NAALADL2: variants seen among roughly 807,000 people sequenced by gnomAD.
The protein encoded by NAALADL2 is inactive N-acetylated-alpha-linked acidic dipeptidase-like protein 2.
In NAALADL2, 76 loss-of-function variants were observed where a neutral mutation model predicts 87.2. That is an observed-to-expected ratio of 0.87 (90% CI 0.72 to 1.05). The LOEUF (loss-of-function observed/expected upper bound fraction) is 1.05. NAALADL2 is among the 50% of genes least tolerant of loss of function. The pLI, the probability that NAALADL2 is intolerant of heterozygous loss-of-function variation, is 0.00. For synonymous variants in NAALADL2, 354 were observed against 331.0 expected, an observed-to-expected ratio of 1.07 and a Z score of -0.75; for missense variants, 1,089 against 945.8, an observed-to-expected ratio of 1.15 and a Z score of -1.99.
intron 1 of NAALADL2, among the ~76,000 whole-genome samples, chr3:174,468,384 CTTT>C (rs67829845): frequency 1.5e-5 from 2 of 132,704 alleles, no homozygotes; most frequent in Non-Finnish European, 1.6e-5. Flanking sequence ...CTTTCTTTTT[CTTT>C]TTTTTTTTTT....
At chr3:175,612,162 TG>T (rs1393798940) in intron 10 of NAALADL2, among the ~76,000 whole-genome samples, 1 of 152,176 alleles carries the variant, frequency 6.6e-6, no homozygotes, top group East Asian at 1.9e-4. Context: ...GACATCTGAC[TG>T]TATTAATATG....
chr3:175,037,820 C>A (rs1225850450), intron 1 of NAALADL2, among the ~76,000 whole-genome samples: 1 of 152,128 alleles, frequency 6.6e-6, no homozygotes, highest in Non-Finnish European at 1.5e-5. Context: ...CTTGGATGAG[C>A]AGGCCACGGT....
intron 2 of NAALADL2, among the ~76,000 whole-genome samples, chr3:174,657,249 A>G (rs1272860904): frequency 6.6e-6 from 1 of 151,698 alleles, no homozygotes; most frequent in Non-Finnish European, 1.5e-5. Flanking sequence ...GCTGGTCTCG[A>G]ACTCCTGGGA....
chr3:174,962,433 G>GTCATAGTGACTATAACATATATATATATA (rs1742245895), intron 1 of NAALADL2, among the ~76,000 whole-genome samples: 1 of 52,242 alleles, frequency 1.9e-5, no homozygotes, highest in African/African-American at 6.4e-5. Context: ...ATATATATAT[G>GTCATAGTGACTATAACATATATATATATA]TATATTTTTA....
chr3:174,503,325 T>C (rs1332890313), intron 1 of NAALADL2, among the ~76,000 whole-genome samples: 1 of 152,206 alleles, frequency 6.6e-6, no homozygotes, highest in Non-Finnish European at 1.5e-5. Flanking sequence ...ATGATATGTT[T>C]TTCTTAAGAA....
intron 2 of NAALADL2, among the ~76,000 whole-genome samples, chr3:174,589,014 G>A (rs1047333021): frequency 2.0e-5 from 3 of 152,124 alleles, no homozygotes; most frequent in Non-Finnish European, 4.4e-5. Flanking sequence ...TTGAGCTGCG[G>A]TGGGTTCCAT....
chr3:174,445,011 A>ATT (rs769110915), intron 1 of NAALADL2, among the ~76,000 whole-genome samples: 6 of 144,170 alleles, frequency 4.2e-5, no homozygotes, highest in Non-Finnish European at 4.6e-5. Flanking sequence ...CTTGTTTGAG[A>ATT]TTTTTTTTTT....
intron 3 of NAALADL2, among the ~76,000 whole-genome samples, chr3:174,743,258 T>G (rs9847046): frequency 0.013 from 2,041 of 151,852 alleles, 52 homozygotes; most frequent in African/African-American, 0.048. Context: ...ACCGGGTCTT[T>G]TGTTTCTCTG....
At chr3:175,369,822 A>C (rs1302486983) in intron 5 of NAALADL2, among the ~76,000 whole-genome samples, 3 of 152,198 alleles carry the variant, frequency 2.0e-5, no homozygotes, top group African/African-American at 7.2e-5. Flanking sequence ...TAAACCCTTC[A>C]TCTGATTGTG....
intron 2 of NAALADL2, among the ~76,000 whole-genome samples, chr3:175,130,015 T>C (rs564478540): frequency 5.9e-5 from 9 of 152,224 alleles, no homozygotes; most frequent in African/African-American, 1.9e-4. Context: ...AGCTGTGAGG[T>C]GATTTCTTAT....
chr3:174,705,349 C>G (rs1578613995), intron 2 of NAALADL2, among the ~76,000 whole-genome samples: 1 of 152,172 alleles, frequency 6.6e-6, no homozygotes, highest in Non-Finnish European at 1.5e-5. Context: ...AAAATGGATG[C>G]TATTCAAGAA....
chr3:175,780,501 A>G (rs1458745392), intron 13 of NAALADL2, among the ~76,000 whole-genome samples: 1 of 152,184 alleles, frequency 6.6e-6, no homozygotes, highest in Non-Finnish European at 1.5e-5. Context: ...CAAGAATGGA[A>G]AAGAAACGGT....
intron 10 of NAALADL2, among the ~76,000 whole-genome samples, chr3:175,590,487 A>T (rs1721272520): frequency 6.6e-6 from 1 of 152,076 alleles, no homozygotes; most frequent in Admixed American, 6.6e-5. Context: ...ATCACAAGAC[A>T]TTATAAATTT....
At chr3:174,696,879 A>AAT (rs1275723663) in intron 2 of NAALADL2, among the ~76,000 whole-genome samples, 11 of 152,106 alleles carry the variant, frequency 7.2e-5, no homozygotes, top group African/African-American at 2.7e-4. Flanking sequence ...GCATTATAAA[A>AAT]ATAGCCGTTC....
chr3:175,698,479 ATATT>A (rs1258520939), intron 11 of NAALADL2, among the ~76,000 whole-genome samples: 1 of 115,196 alleles, frequency 8.7e-6, no homozygotes, highest in African/African-American at 4.6e-5. Context: ...GTGTGTATAT[ATATT>A]TATATATATA....
chr3:174,586,740 A>T (rs1008993389), intron 2 of NAALADL2, among the ~76,000 whole-genome samples: 1 of 152,110 alleles, frequency 6.6e-6, no homozygotes, highest in Non-Finnish European at 1.5e-5. Context: ...ACGTATTCAG[A>T]TGTTTCTGCC....
chr3:175,186,477 C>G (rs1306673547), intron 2 of NAALADL2, among the ~76,000 whole-genome samples: 1 of 152,010 alleles, frequency 6.6e-6, no homozygotes, highest in Non-Finnish European at 1.5e-5. Flanking sequence ...AACAAATGCC[C>G]TCTTTTGTTT....
intron 2 of NAALADL2, among the ~76,000 whole-genome samples, chr3:174,649,374 T>C (rs757680911): frequency 2.0e-5 from 3 of 152,186 alleles, no homozygotes; most frequent in Non-Finnish European, 4.4e-5. Context: ...GTTGTCCTTC[T>C]TTCTGATTTT....
chr3:175,777,150 C>G (rs1484037258), intron 13 of NAALADL2, among the ~76,000 whole-genome samples: 1 of 151,580 alleles, frequency 6.6e-6, no homozygotes, highest in Non-Finnish European at 1.5e-5. Flanking sequence ...TGGAAAAGGT[C>G]TATTTTGTTG....
Sources: gnomAD v4.1 joint callset for allele counts (sites outside exome capture counted in the v4.1 genomes callset) on GRCh38, gnomAD v4.1.1 for gene constraint, MANE v1.5 for transcripts, NCBI Gene and HGNC (gene_info 2026-07-23, HGNC 2026-07-21) for gene names.